Variants in ANOS1 observed in about 807,000 individuals in gnomAD.
ANOS1 encodes anosmin 1, also known as anosmin-1.
In ANOS1, 6 loss-of-function variants were observed where a neutral mutation model predicts 59.0. That is an observed-to-expected ratio of 0.10 (90% CI 0.06 to 0.20). ANOS1 has a LOEUF of 0.20. Among genes scored for constraint, ANOS1 ranks in the 10% least tolerant of loss-of-function variants. The pLI is 1.00. For synonymous variants in ANOS1, 217 were observed against 223.4 expected (o/e 0.97, Z 0.25); for missense variants, 433 against 542.3 (o/e 0.80, Z 2.00).
intron 1 of ANOS1, among the ~76,000 whole-genome samples, chrX:8,712,064 C>A (rs1932815674): frequency 8.9e-6 from 1 of 112,295 alleles, no homozygotes; most frequent in African/African-American, 3.2e-5. Context: ...ACCCAGGGGG[C>A]TGAAAGAGCA....
intron 2 of ANOS1, among the ~76,000 whole-genome samples, chrX:8,674,255 C>T (rs1932300723): frequency 8.9e-6 from 1 of 112,133 alleles, no homozygotes; most frequent in East Asian, 2.8e-4. Context: ...GCAGAAAGCA[C>T]TTCCTCAAAG....
intron 2 of ANOS1, among the ~76,000 whole-genome samples, chrX:8,658,318 G>A (rs1931967872): frequency 8.9e-6 from 1 of 111,774 alleles, no homozygotes; most frequent in African/African-American, 3.3e-5. Context: ...CAATTAGCTA[G>A]CTCTTCCTCA....
At chrX:8,668,442 CAT>C (rs1319657841) in intron 2 of ANOS1, among the ~76,000 whole-genome samples, 27 of 69,199 alleles carry the variant, frequency 3.9e-4, no homozygotes, top group Admixed American at 6.3e-4. Flanking sequence ...CACACACATA[CAT>C]ATATATATAT....
intron 2 of ANOS1, among the ~76,000 whole-genome samples, chrX:8,699,088 A>C (rs1190485584): frequency 9.0e-6 from 1 of 111,560 alleles, no homozygotes; most frequent in East Asian, 2.8e-4. Flanking sequence ...CCTACTTCAG[A>C]CTGGAGCTAG....
chrX:8,676,035 AT>A (rs1015521487), intron 2 of ANOS1, among the ~76,000 whole-genome samples: 5 of 110,043 alleles, frequency 4.5e-5, no homozygotes, highest in Non-Finnish European at 7.6e-5. Flanking sequence ...AAAGGACATG[AT>A]TTTTTCATTT....
chrX:8,647,325 A>G (rs1931777945), intron 2 of ANOS1, among the ~76,000 whole-genome samples: 1 of 111,383 alleles, frequency 9.0e-6, no homozygotes, highest in Admixed American at 9.6e-5. Flanking sequence ...TAAATAAATA[A>G]GCACGAAACC....
chrX:8,634,073 T>C (rs992839564), intron 2 of ANOS1, among the ~76,000 whole-genome samples: 5 of 111,672 alleles, frequency 4.5e-5, no homozygotes, highest in African/African-American at 1.6e-4. Flanking sequence ...TCAAATGATG[T>C]TGGTATTATA....
At chrX:8,685,597 G>GAAGAAAGAAAGAAAGAAAGA (rs557905634) in intron 2 of ANOS1, among the ~76,000 whole-genome samples, 2 of 57,254 alleles carry the variant, frequency 3.5e-5, no homozygotes, top group Non-Finnish European at 6.6e-5. Context: ...AGAAAGAAAG[G>GAAGAAAGAAAGAAAGAAAGA]AAGAAAGAAA....
intron 6 of ANOS1, among the ~76,000 whole-genome samples, chrX:8,574,956 G>C (rs1314541723): frequency 8.9e-6 from 1 of 112,150 alleles, no homozygotes; most frequent in Non-Finnish European, 1.9e-5. Flanking sequence ...CTCCCTGAGA[G>C]GAGGAATGTT....
intron 2 of ANOS1, among the ~76,000 whole-genome samples, chrX:8,687,862 T>C (rs761340458): frequency 1.4e-4 from 16 of 112,233 alleles, no homozygotes; most frequent in Admixed American, 1.9e-4. Context: ...CAAGAGTTTC[T>C]ATGTTCACCC....
At chrX:8,646,902 C>T (rs1248633352) in intron 2 of ANOS1, among the ~76,000 whole-genome samples, 2 of 102,024 alleles carry the variant, frequency 2.0e-5, no homozygotes, top group Non-Finnish European at 4.0e-5. Context: ...CACTGCACTC[C>T]ACCCTGGGCT....
chrX:8,617,611 T>C (rs1419396584), intron 3 of ANOS1, among the ~76,000 whole-genome samples: 1 of 109,994 alleles, frequency 9.1e-6, no homozygotes, highest in Non-Finnish European at 1.9e-5. Context: ...TGAAACCCCG[T>C]CTCTACTAAA....
At chrX:8,574,165 G>T (rs1272784057) in intron 6 of ANOS1, among the ~76,000 whole-genome samples, 2 of 110,559 alleles carry the variant, frequency 1.8e-5, no homozygotes, top group Non-Finnish European at 3.8e-5. Context: ...GTTTCTTGGA[G>T]AGGAAAACCG....
At chrX:8,704,025 T>G (rs1210421276) in intron 1 of ANOS1, among the ~76,000 whole-genome samples, 1 of 109,534 alleles carries the variant, frequency 9.1e-6, no homozygotes, top group Non-Finnish European at 1.9e-5. Context: ...TGGGGGCGGG[T>G]TTTTCCCATG....
At chrX:8,606,226 A>C (rs1481751235) in intron 3 of ANOS1, among the ~76,000 whole-genome samples, 3 of 112,678 alleles carry the variant, frequency 2.7e-5, no homozygotes, top group African/African-American at 9.7e-5. Context: ...AAAAACAAAG[A>C]TATGAATTAA....
At chrX:8,662,440 C>T (rs776449662) in intron 2 of ANOS1, among the ~76,000 whole-genome samples, 1 of 111,855 alleles carries the variant, frequency 8.9e-6, no homozygotes, top group African/African-American at 3.3e-5. Flanking sequence ...AATTATTTGA[C>T]TCTGCCGGTG....
chrX:8,669,012 G>C (rs1035422761), intron 2 of ANOS1, among the ~76,000 whole-genome samples: 1 of 112,072 alleles, frequency 8.9e-6, no homozygotes, highest in African/African-American at 3.2e-5. Context: ...CCGCCTGACG[G>C]CCTTTTGCCC....
chrX:8,534,595 C>T, intron 12 of ANOS1, 135 bp from the exon 13 acceptor site: 2 of 615,114 alleles, frequency 3.3e-6, no homozygotes, highest in Non-Finnish European at 2.7e-6. Flanking sequence ...TTTGTAAAGG[C>T]ATAGTTTAAT....
chrX:8,731,684 TG>T, intron 1 of ANOS1, 145 bp downstream of exon 1: 1 of 1,031,086 alleles, frequency 9.7e-7, no homozygotes, highest in South Asian at 2.5e-5. Flanking sequence ...GCACCCCGAC[TG>T]TAAGATCCAC....
Sources: gnomAD v4.1 joint callset for allele counts (sites outside exome capture counted in the v4.1 genomes callset) on GRCh38, gnomAD v4.1.1 for gene constraint, MANE v1.5 for transcripts, NCBI Gene and HGNC (gene_info 2026-07-23, HGNC 2026-07-21) for gene names.